The following FAM118B variants were observed in gnomAD, a reference collection of about 807,000 sequenced individuals.
The protein encoded by FAM118B is protein FAM118B.
FAM118B carries 24 observed loss-of-function variants against 38.5 expected under a neutral mutation model. The observed-to-expected ratio is 0.62, with a 90% CI of 0.45 to 0.88. The LOEUF is 0.88. Among genes scored for constraint, FAM118B ranks in the 40% least tolerant of loss-of-function variants. FAM118B has a pLI of 0.00. For synonymous variants in FAM118B, 138 were observed against 156.3 expected (o/e 0.88, Z 0.87); for missense variants, 334 against 420.0 (o/e 0.80, Z 1.79).
rs576401769 is a variant in FAM118B, at chr11:126,250,248, C to T, written c.340-258C>T. Among the ~76,000 whole-genome samples, 17 of 152,132 alleles carry T rather than the reference C, an allele frequency of 1.1e-4. No individual in the cohort carries two copies. The highest frequency in any genetic ancestry group is 2.9e-4 in the African/African-American group (12 of 41,532). ...CTGGGACTACAGGCGCCTGTCACCA[C>T]GCCCTGCTAATTTTTTTTATTTTTA... On this transcript the variant is annotated intron_variant, in intron 4 of 8. Coordinates refer to ENST00000533050, the MANE Select transcript of FAM118B (RefSeq NM_024556.4). The surrounding 1 kb of genome is among the most constrained non-coding windows in gnomAD (Gnocchi z 5.1).
chr11:126,253,374 G>C lies in FAM118B; in HGVS notation c.568-931G>C, dbSNP rs1000419633. On this transcript the variant is annotated intron_variant, in intron 5 of 8. Transcript: ENST00000533050. This position sits in a 1 kb window ranked among gnomAD's most constrained non-coding sequence, Gnocchi z 5.1. ...TTCATAGCCTATTTCTCCAAAATGT[G>C]ATAAGAATAAATGTATGCTGTCTCC... is the stretch of plus-strand genomic sequence containing the variant. Among the ~76,000 whole-genome samples the C allele has an allele frequency of 1.3e-5, 2 of 152,152 alleles. No individual in the cohort carries two copies. The highest frequency in any genetic ancestry group is 4.1e-4 in the South Asian group (2 of 4,820).
chr11:126,238,790 C>T (rs1283534417), intron 3 of FAM118B, among the ~76,000 whole-genome samples: 1 of 152,006 alleles, frequency 6.6e-6, no homozygotes, highest in Admixed American at 6.6e-5. Context: ...GGGAATCGGC[C>T]TTTGCATTAC....
At chr11:126,258,643 T>C (rs1483043640) in intron 7 of FAM118B, among the ~76,000 whole-genome samples, 1 of 152,236 alleles carries the variant, frequency 6.6e-6, no homozygotes, top group Non-Finnish European at 1.5e-5. Flanking sequence ...TGCAGTGTTC[T>C]AGACTCTCCT....
chr11:126,224,886 C>T (rs1950119390), intron 1 of FAM118B, among the ~76,000 whole-genome samples: 1 of 152,218 alleles, frequency 6.6e-6, no homozygotes, highest in African/African-American at 2.4e-5. Context: ...AGGCAGAGAT[C>T]TCCCATCCCA....
intron 1 of FAM118B, among the ~76,000 whole-genome samples, chr11:126,217,995 T>G (rs1172765297): frequency 1.3e-5 from 2 of 152,246 alleles, no homozygotes; most frequent in Admixed American, 1.3e-4. Flanking sequence ...AGTTTTATGA[T>G]GTGTATTAAC....
intron 3 of FAM118B, among the ~76,000 whole-genome samples, chr11:126,236,060 T>C (rs1337599566): frequency 6.6e-6 from 1 of 152,224 alleles, no homozygotes; most frequent in Non-Finnish European, 1.5e-5. Context: ...CATGGATTCT[T>C]CCTTCTGGAT....
rs1950484961 is a variant in FAM118B, at chr11:126,250,346, C to T, written c.340-160C>T. Among the ~76,000 whole-genome samples the T allele has an allele frequency of 6.6e-6, 1 of 152,188 alleles. No individual in the cohort carries two copies. Among genetic ancestry groups the T allele is most frequent in the Non-Finnish European group, 1.5e-5 (1 of 68,042 alleles). On this transcript the variant is annotated intron_variant, in intron 4 of 8. Coordinates refer to ENST00000533050, the MANE Select transcript of FAM118B (RefSeq NM_024556.4). This position sits in a 1 kb window ranked among gnomAD's most constrained non-coding sequence, Gnocchi z 5.1. ...GACCTCGTGATCCGCCCGCCTCGGTCTCCCAAAGTGCTGGGATTACAGGCG... is the reference window on the plus strand; with the variant it reads ...GACCTCGTGATCCGCCCGCCTCGGTTTCCCAAAGTGCTGGGATTACAGGCG...
rs966136905 is a variant in FAM118B, at chr11:126,255,013, A to G, written c.696+580A>G. Among the ~76,000 whole-genome samples, 3 of 152,254 alleles carry G rather than the reference A, an allele frequency of 2.0e-5. No individual in the cohort carries two copies. The highest frequency in any genetic ancestry group is 2.9e-5 in the Non-Finnish European group (2 of 68,046). On this transcript the variant is annotated intron_variant, in intron 6 of 8. Coordinates refer to ENST00000533050, the MANE Select transcript of FAM118B (RefSeq NM_024556.4). This position sits in a 1 kb window ranked among gnomAD's most constrained non-coding sequence, Gnocchi z 4.6. ...CATCATCTTCACATACAAAGGATAC[A>G]TTAGTACCCTTTATCATCATTTGGT...
chr11:126,243,784 A>T (rs1302264880), intron 4 of FAM118B, among the ~76,000 whole-genome samples: 2 of 151,892 alleles, frequency 1.3e-5, no homozygotes, highest in African/African-American at 4.8e-5. Flanking sequence ...CATGCCTGTA[A>T]TCCCAGCTAC....
chr11:126,220,489 T>C (rs1165045487), intron 1 of FAM118B, among the ~76,000 whole-genome samples: 1 of 152,088 alleles, frequency 6.6e-6, no homozygotes, highest in African/African-American at 2.4e-5. Context: ...GGCAAGAGGA[T>C]TGCTTGACAA....
intron 1 of FAM118B, chr11:126,214,495 T>TTTTTTTG (rs1949945517): frequency 1.3e-5 from 1 of 75,908 alleles, no homozygotes; most frequent in Admixed American, 1.7e-4. Context: ...TTTCTGTTTT[T>TTTTTTTG]TTTTTTTGTT....
At chr11:126,211,907 G>A (rs1258189813) in intron 1 of FAM118B, 77 bp downstream of exon 1, 1 of 497,110 alleles carries the variant, frequency 2.0e-6, no homozygotes, top group Non-Finnish European at 3.6e-6. Context: ...GCGTCCCCGG[G>A]ATTTCCGTTC....
intron 7 of FAM118B, among the ~76,000 whole-genome samples, chr11:126,257,932 A>G (rs990805999): frequency 6.6e-6 from 1 of 152,228 alleles, no homozygotes; most frequent in Non-Finnish European, 1.5e-5. Flanking sequence ...ACAAAACACA[A>G]ACATTTTTGG....
chr11:126,239,568 T>G (rs76501955), intron 3 of FAM118B, among the ~76,000 whole-genome samples: 8,367 of 152,234 alleles, frequency 0.055, 362 homozygotes, highest in East Asian at 0.17. Context: ...AGGGACTCCA[T>G]TTTGTTCATG....
At chr11:126,212,235 T>G (rs999994854) in intron 1 of FAM118B, among the ~76,000 whole-genome samples, 1 of 152,192 alleles carries the variant, frequency 6.6e-6, no homozygotes, top group African/African-American at 2.4e-5. Flanking sequence ...CCTTCCCTTA[T>G]CCAGGGCCCC....
Position 126,256,729 on chromosome 11 carries a change from A to C in FAM118B, c.859A>C (p.Lys287Gln). The stretch of plus-strand genomic sequence containing the variant: ...TCGGAGAGGAGACGTAGATGAGTTC[A>C]AAAAGCTTCGAGAAAACATGCTGGA... ...LVRRGDVDEF[K>Q]KLRENMLDKG... is the part of the protein sequence containing the mutation. Residue 287 changes from lysine to glutamine, a missense_variant, in exon 7 of 9, where the codon AAA becomes CAA. Coordinates refer to ENST00000533050, the MANE Select transcript of FAM118B (RefSeq NM_024556.4). This position sits in a 1 kb window ranked among gnomAD's most constrained non-coding sequence, Gnocchi z 6.6. 1 of 1,614,192 alleles carries C rather than the reference A, an allele frequency of 6.2e-7. No individual in the cohort carries two copies. Among genetic ancestry groups the C allele is most frequent in the Non-Finnish European group, 8.5e-7 (1 of 1,180,038 alleles).
rs776429607 is a variant in FAM118B at position 126,240,996 on chromosome 11, C to G, written c.291C>G (p.Asp97Glu). The G allele has an allele frequency of 8.7e-6, 14 of 1,613,544 alleles. No individual in the cohort carries two copies. Among genetic ancestry groups the G allele is most frequent in the Middle Eastern group, 1.6e-4 (1 of 6,084 alleles). Residue 97 changes from aspartate (D) to glutamate (E), a missense_variant, in exon 4 of 9, where the codon GAC (aspartate) becomes GAG (glutamate). Around this residue, in one of 3 missense-constraint regions of FAM118B, gnomAD observed 240 missense variants for 295.9 expected, o/e 0.81. Transcript: ENST00000533050. ...AGTTTCAGAAATGTCTCCATGAAGA[C>G]AAGAACCTGGTCCATGTTGCCCATG... ...SKKFQKCLHE[D>E]KNLVHVAHDL... is the part of the protein sequence containing the mutation.
intron 1 of FAM118B, among the ~76,000 whole-genome samples, chr11:126,216,412 GC>G (rs1263194634): frequency 6.6e-6 from 1 of 152,026 alleles, no homozygotes; most frequent in Non-Finnish European, 1.5e-5. Flanking sequence ...CCGTTTCTCT[GC>G]CCTCCCTACC....
At chr11:126,222,121 G>A (rs564241484) in intron 1 of FAM118B, among the ~76,000 whole-genome samples, 1 of 152,280 alleles carries the variant, frequency 6.6e-6, no homozygotes, top group African/African-American at 2.4e-5. Flanking sequence ...TAATAGTCGT[G>A]TGACCTTTAA....
Sources: allele counts gnomAD v4.1 joint callset (sites outside exome capture counted in the v4.1 genomes callset), GRCh38; gene constraint gnomAD v4.1.1; regional missense constraint gnomAD v4.1.1; non-coding constraint Gnocchi (gnomAD v3.1); transcripts MANE v1.5; gene names NCBI Gene and HGNC (gene_info 2026-07-23, HGNC 2026-07-21).